Variants in CSMD1 observed in about 807,000 individuals in gnomAD.
CSMD1 encodes the protein CUB and Sushi multiple domains 1, also known as CUB and sushi domain-containing protein 1.
Under a neutral mutation model 417.5 loss-of-function variants are expected in CSMD1, and 213 were observed. The observed-to-expected ratio is 0.51, with a 90% CI of 0.46 to 0.57. The LOEUF is 0.57. CSMD1 is among the 20% of genes least tolerant of loss of function. CSMD1 has a pLI of 0.00. For synonymous variants in CSMD1, 2,862 were observed against 1,736.8 expected (o/e 1.65, Z -16.11); for missense variants, 6,923 against 4,529.7 (o/e 1.53, Z -15.17).
At chr8:4,451,562 T>A (rs118036044) in intron 2 of CSMD1, among the ~76,000 whole-genome samples, 1 of 152,100 alleles carries the variant, frequency 6.6e-6, no homozygotes, top group Admixed American at 6.5e-5. Flanking sequence ...GGGTGAGCGA[T>A]AGAGTGAAGA....
chr8:4,319,148 A>G (rs994832060), intron 3 of CSMD1, among the ~76,000 whole-genome samples: 2 of 152,294 alleles, frequency 1.3e-5, no homozygotes, highest in African/African-American at 4.8e-5. Context: ...CAAAATTGGG[A>G]AAATACCTGA....
intron 10 of CSMD1, among the ~76,000 whole-genome samples, chr8:3,507,689 T>C (rs963366685): frequency 5.3e-5 from 8 of 152,234 alleles, no homozygotes; most frequent in Admixed American, 1.3e-4. Flanking sequence ...TTTTTAATGA[T>C]TGCCATTCTA....
At chr8:4,841,797 G>C (rs1199440841) in intron 1 of CSMD1, among the ~76,000 whole-genome samples, 7 of 150,670 alleles carry the variant, frequency 4.6e-5, no homozygotes, top group Non-Finnish European at 7.4e-5. Context: ...TGTAATCCTA[G>C]CTACTCGGGA....
At chr8:4,278,607 C>T (rs1412013980) in intron 3 of CSMD1, among the ~76,000 whole-genome samples, 4 of 152,120 alleles carry the variant, frequency 2.6e-5, no homozygotes, top group Admixed American at 2.0e-4. Context: ...TAAATAAATT[C>T]ATGAATGGAA....
chr8:3,919,364 T>C (rs1363770317), intron 5 of CSMD1, among the ~76,000 whole-genome samples: 1 of 152,124 alleles, frequency 6.6e-6, no homozygotes, highest in Non-Finnish European at 1.5e-5. Context: ...ACATACTCAG[T>C]TGTCTCAATC....
intron 10 of CSMD1, among the ~76,000 whole-genome samples, chr8:3,524,330 C>G (rs189984899): frequency 1.1e-4 from 17 of 151,938 alleles, no homozygotes; most frequent in Middle Eastern, 6.9e-3. Context: ...CATAAACATG[C>G]ACACACACAT....
intron 1 of CSMD1, among the ~76,000 whole-genome samples, chr8:4,915,821 G>T (rs1055376247): frequency 2.6e-5 from 4 of 152,318 alleles, no homozygotes; most frequent in African/African-American, 7.2e-5. Flanking sequence ...TTGGCCACAC[G>T]GAGACCCATC....
At chr8:3,585,960 C>T (rs1386036201) in intron 9 of CSMD1, among the ~76,000 whole-genome samples, 176 bp downstream of exon 9, 2 of 152,152 alleles carry the variant, frequency 1.3e-5, no homozygotes, top group African/African-American at 2.4e-5. Context: ...ATGTTAGCCT[C>T]TCAGCAAATT....
intron 3 of CSMD1, among the ~76,000 whole-genome samples, chr8:4,160,772 G>A (rs1714770): frequency 0.98 from 150,006 of 152,340 alleles, 73,898 homozygotes; most frequent in East Asian, 1. Flanking sequence ...ACACTTGGAT[G>A]AAAGCATCAT....
intron 18 of CSMD1, among the ~76,000 whole-genome samples, chr8:3,376,062 T>C (rs1036093538): frequency 6.7e-6 from 1 of 149,748 alleles, no homozygotes; most frequent in Non-Finnish European, 1.5e-5. Context: ...CATTGTGTGA[T>C]TTTTAAAAAT....
At chr8:3,074,884 A>G (rs7821141) in intron 49 of CSMD1, among the ~76,000 whole-genome samples, 43,380 of 152,074 alleles carry the variant, frequency 0.29, 6,328 homozygotes, top group African/African-American at 0.33. Context: ...GTTTGTATCT[A>G]TGTCCCCACT....
chr8:4,351,303 A>G (rs1801077944), intron 3 of CSMD1, among the ~76,000 whole-genome samples: 2 of 152,248 alleles, frequency 1.3e-5, no homozygotes, highest in South Asian at 4.1e-4. Context: ...AGATTTTTCA[A>G]TGCTAAATGT....
intron 1 of CSMD1, among the ~76,000 whole-genome samples, chr8:4,734,548 C>T (rs546701257): frequency 4.8e-4 from 73 of 152,154 alleles, no homozygotes; most frequent in African/African-American, 1.4e-3. Context: ...TATTTGGTAG[C>T]GAAGTATAAG....
rs556957752 is a variant in CSMD1, at chr8:4,294,042, G to C, written c.415+125911C>G. Among the ~76,000 whole-genome samples the C allele has an allele frequency of 3.3e-5, 5 of 152,236 alleles. No homozygotes were observed. The South Asian group carries it at 1.0e-3, about 32-fold the overall frequency. On this transcript the variant is annotated intron_variant, in intron 3 of 69. Coordinates refer to ENST00000635120, the MANE Select transcript of CSMD1 (RefSeq NM_033225.6). ...AATCAGGACTTCTGTTCTTTATTGC[G>C]TGGTTCTCAAGTGACTATTGCACCG...
chr8:3,805,866 C>G (rs1230380373), intron 5 of CSMD1, among the ~76,000 whole-genome samples: 2 of 152,064 alleles, frequency 1.3e-5, no homozygotes, highest in African/African-American at 4.8e-5. Flanking sequence ...CCTCAGTTTC[C>G]CAGATTTCTA....
At chr8:4,881,460 T>TACCTATC (rs1554509762) in intron 1 of CSMD1, among the ~76,000 whole-genome samples, 5 of 104,062 alleles carry the variant, frequency 4.8e-5, no homozygotes, top group Non-Finnish European at 8.2e-5. Flanking sequence ...TCTATCTATC[T>TACCTATC]ATCTTGTCTC....
At position 4,925,228 on chromosome 8, in the gene CSMD1, T is replaced by G. The variant is rs868281448; in HGVS notation, c.85+69104A>C. Among the ~76,000 whole-genome samples, 1,275 of 139,160 alleles carry G rather than the reference T, an allele frequency of 9.2e-3. 22 individuals are homozygous for G. The highest frequency in any genetic ancestry group is 0.032 in the African/African-American group (1,197 of 37,540). 91.3% of individuals were successfully genotyped at this position (139,160 alleles called of 152,430 possible). On this transcript the variant is annotated intron_variant, in intron 1 of 69. Coordinates refer to ENST00000635120, the MANE Select transcript of CSMD1 (RefSeq NM_033225.6). Reference sequence around the variant, plus strand: ...ACCAGTTTTATGGTTTTTTTTTTTTTTTTTTTTTTTTTGCAGTGTGGCCCA... The same window carrying G: ...ACCAGTTTTATGGTTTTTTTTTTTTGTTTTTTTTTTTTGCAGTGTGGCCCA...
intron 25 of CSMD1, among the ~76,000 whole-genome samples, chr8:3,294,662 A>G (rs549508034): frequency 2.6e-4 from 40 of 152,254 alleles, no homozygotes; most frequent in African/African-American, 9.4e-4. Flanking sequence ...TGCTAAGACC[A>G]TTGGAAAAGC....
intron 1 of CSMD1, among the ~76,000 whole-genome samples, chr8:4,758,287 G>A (rs1251803874): frequency 9.9e-5 from 15 of 152,122 alleles, no homozygotes; most frequent in Admixed American, 9.8e-4. Context: ...GTTTCCCAAC[G>A]TTGCCTTTTG....
Sources: gnomAD v4.1 joint callset for allele counts (sites outside exome capture counted in the v4.1 genomes callset) on GRCh38, gnomAD v4.1.1 for gene constraint, MANE v1.5 for transcripts, NCBI Gene and HGNC (gene_info 2026-07-23, HGNC 2026-07-21) for gene names.